ZZEF1: variants seen among roughly 807,000 people sequenced by gnomAD.
ZZEF1 encodes zinc finger ZZ-type and EF-hand domain-containing protein 1.
In ZZEF1, 157 loss-of-function variants were observed where a neutral mutation model predicts 342.8. That is an observed-to-expected ratio of 0.46 (90% CI 0.40 to 0.52). The LOEUF is 0.52. ZZEF1 is among the 20% of genes least tolerant of loss of function. The pLI is 0.00. For missense variants in ZZEF1, 3,480 were observed against 3,725.6 expected, an observed-to-expected ratio of 0.93 and a Z score of 1.72; for synonymous variants, 1,505 against 1,429.1, an observed-to-expected ratio of 1.05 and a Z score of -1.20.
chr17:4,007,308 C>G (rs997521716), intron 54 of ZZEF1, among the ~76,000 whole-genome samples: 22 of 152,346 alleles, frequency 1.4e-4, no homozygotes, highest in African/African-American at 5.1e-4. Context: ...AAACGAACAG[C>G]CAGTGCTGGG....
chr17:4,020,253 G>A (rs933225217), intron 45 of ZZEF1, among the ~76,000 whole-genome samples: 1 of 152,186 alleles, frequency 6.6e-6, no homozygotes, highest in South Asian at 2.1e-4. Flanking sequence ...GTTTTAACCT[G>A]CACTTAAACT....
chr17:4,013,501 G>C lies in ZZEF1; in HGVS notation c.8527C>G (p.Arg2843Gly), dbSNP rs1219291908. 1 of 1,613,742 alleles carries C rather than the reference G, an allele frequency of 6.2e-7. No homozygotes were observed. Among genetic ancestry groups the C allele is most frequent in the Non-Finnish European group, 8.5e-7 (1 of 1,179,854 alleles). The change falls in exon 52 of 55, where the codon CGA (arginine) becomes GGA (glycine). Residue 2843 changes from arginine to glycine, a missense_variant. Physicochemically the swap from Arg to Gly is moderately radical, Grantham distance 125. Around this residue, in one of 5 missense-constraint regions of ZZEF1, gnomAD observed 1,269 missense variants for 1,342.4 expected, o/e 0.95. Transcript: ENST00000381638. ...GVACRQTGHQRLKAIHLLLRI... is the reference protein window; with the variant it reads ...GVACRQTGHQGLKAIHLLLRI... The stretch of plus-strand genomic sequence containing the variant: ...AGAAGTAAGTGGATGGCTTTTAATC[G>C]TTGATGGCCAGTCTGGCGACAGGCC...
intron 1 of ZZEF1, among the ~76,000 whole-genome samples, chr17:4,135,055 G>A (rs2145606436): frequency 1.3e-5 from 2 of 152,272 alleles, no homozygotes; most frequent in African/African-American, 4.8e-5. Flanking sequence ...GCAGACCCAG[G>A]ATGAAGAGCT....
chr17:4,032,050 A>G (rs1478933469), intron 42 of ZZEF1, 76 bp downstream of exon 42: 1 of 1,480,966 alleles, frequency 6.8e-7, no homozygotes, highest in African/African-American at 1.4e-5. Context: ...AGCCAAGGTA[A>G]TTTCATTGAT....
intron 26 of ZZEF1, among the ~76,000 whole-genome samples, 159 bp downstream of exon 26, chr17:4,070,525 T>A (rs2057487354): frequency 6.6e-6 from 1 of 152,224 alleles, no homozygotes; most frequent in African/African-American, 2.4e-5. Context: ...AAAGTGGCCA[T>A]GAATCTTTTA....
At chr17:4,066,344 C>T (rs2057394305) in intron 28 of ZZEF1, 103 bp downstream of exon 28, 1 of 990,202 alleles carries the variant, frequency 1.0e-6, no homozygotes, top group Admixed American at 1.8e-5. Flanking sequence ...CCTAGGTCAA[C>T]ACAGCCTCAA....
At chr17:4,103,220 T>C (rs1325120953) in intron 8 of ZZEF1, among the ~76,000 whole-genome samples, 1 of 152,056 alleles carries the variant, frequency 6.6e-6, no homozygotes, top group African/African-American at 2.4e-5. Context: ...ATTGTCTAAC[T>C]TAAAAATTTA....
At position 4,049,735 on chromosome 17, in the gene ZZEF1, C is replaced by G; in HGVS notation, c.5988G>C (p.Gln1996His). The change falls in exon 37 of 55, where the codon CAG becomes CAC. Residue 1996 changes from glutamine (Q) to histidine (H), a missense_variant. Coordinates refer to ENST00000381638, the MANE Select transcript of ZZEF1 (RefSeq NM_015113.4). ...TGCCTGCTTCTGACAGCTCAGCACC[C>G]TGGACAGCTTTCTTCTCTAGCTGCT... ...SEEQLEKKAV[Q>H]GAELSEAGNG... 6.2e-7 allele frequency: 1 copy of G among 1,614,104 alleles called. No individual in the cohort carries two copies. The highest frequency in any genetic ancestry group is 1.1e-5 in the South Asian group (1 of 91,084).
Position 4,142,695 on chromosome 17 carries a change from G to A in ZZEF1, c.201C>T (p.Pro67=). Residue 67 remains proline (P), a synonymous_variant, in exon 1 of 55, where the codon CCC becomes CCT. Transcript: ENST00000381638. ...REAAAALLPT[P]PCESLVSRHR... ...GCCTCGACACCAGCGACTCGCAGGG[G>A]GGTGTGGGCAGCAACGCTGCAGCAG... is the stretch of plus-strand genomic sequence containing the variant. 3 of 1,604,754 alleles carry A rather than the reference G, an allele frequency of 1.9e-6. No homozygotes were observed. The highest frequency in any genetic ancestry group is 2.5e-6 in the Non-Finnish European group (3 of 1,178,686).
At position 4,031,271 on chromosome 17, in the gene ZZEF1, G is replaced by A. The variant is rs147466148; in HGVS notation, c.6892+855C>T. ...GCGGAGGTTGCAGTGAGCTGAGATC[G>A]TGTCACCGCACTCCAGCCTGGGCAA... On this transcript the variant is annotated intron_variant, in intron 42 of 54. Coordinates refer to ENST00000381638, the MANE Select transcript of ZZEF1 (RefSeq NM_015113.4). 2.1e-3 allele frequency among the ~76,000 whole-genome samples: 315 copies of A among 151,796 alleles called. 2 individuals are homozygous for A. Among genetic ancestry groups the A allele is most frequent in the East Asian group, 0.014 (73 of 5,176 alleles).
At chr17:4,013,386 G>T in intron 52 of ZZEF1, 63 bp downstream of exon 52, 1 of 1,435,544 alleles carries the variant, frequency 7.0e-7, no homozygotes, top group Non-Finnish European at 9.2e-7. Flanking sequence ...AGCAAGAAAG[G>T]GCCAGCCACA....
rs745845945 is a variant in ZZEF1, at chr17:4,105,772, G to C, written c.1315C>G (p.Pro439Ala). 2 of 1,613,206 alleles carry C rather than the reference G, an allele frequency of 1.2e-6. No homozygotes were observed. The highest frequency in any genetic ancestry group is 1.7e-6 in the Non-Finnish European group (2 of 1,179,708). ...AAAGTTGAGAAATCTGTAGATCCTG[G>C]TGAGAGAGAGAGTGGAGGCATGTGC... is the stretch of plus-strand genomic sequence containing the variant. ...LRHMPPLSLS[P>A]GSTDFSTFLS... The change falls in exon 7 of 55, where the codon CCA (proline) becomes GCA (alanine). Residue 439 changes from proline to alanine, a missense_variant. By Grantham distance (27) the Pro-to-Ala change is conservative. Transcript: ENST00000381638.
At position 4,074,201 on chromosome 17, in the gene ZZEF1, G is replaced by A. The variant is rs535251523; in HGVS notation, c.3634C>T (p.Arg1212Trp). 67 of 1,614,052 alleles carry A rather than the reference G, an allele frequency of 4.2e-5. No individual in the cohort carries two copies. Among genetic ancestry groups the A allele is most frequent in the Non-Finnish European group, 4.9e-5 (58 of 1,179,978 alleles). ...TGGGAAGCCAGGCGTCCCATCAGCC[G>A]GGAGACGAGGAGCTGTAAATCCAGC... ...WGLDLQLLVS[R>W]LMGRLASQCM... The change falls in exon 24 of 55, where the codon CGG becomes TGG. Residue 1212 changes from arginine (R) to tryptophan (W), a missense_variant. Around this residue, in one of 5 missense-constraint regions of ZZEF1, gnomAD observed 1,528 missense variants for 1,624.1 expected, o/e 0.94. Coordinates refer to ENST00000381638, the MANE Select transcript of ZZEF1 (RefSeq NM_015113.4).
intron 5 of ZZEF1, among the ~76,000 whole-genome samples, chr17:4,111,542 G>A (rs1306232123): frequency 2.0e-5 from 3 of 151,028 alleles, no homozygotes; most frequent in African/African-American, 4.9e-5. Flanking sequence ...GCCTGTAATC[G>A]CAGCTACTCG....
intron 17 of ZZEF1, among the ~76,000 whole-genome samples, chr17:4,082,060 G>A (rs1749270808): frequency 6.6e-6 from 1 of 152,166 alleles, no homozygotes; most frequent in Non-Finnish European, 1.5e-5. Context: ...AAATCTCGAA[G>A]ACCTCCCCTC....
chr17:4,009,859 C>T, intron 52 of ZZEF1, 102 bp from the exon 53 acceptor site: 1 of 1,349,798 alleles, frequency 7.4e-7, no homozygotes, highest in East Asian at 2.5e-5. Flanking sequence ...CCCTCTCCCA[C>T]AGCTGGTACA....
At chr17:4,102,804 C>T (rs867006108) in intron 8 of ZZEF1, among the ~76,000 whole-genome samples, 3 of 151,878 alleles carry the variant, frequency 2.0e-5, no homozygotes, top group Admixed American at 1.3e-4. Context: ...TTTTAGGTCT[C>T]GTTTCTTTAA....
chr17:4,022,529 G>T, intron 44 of ZZEF1, 180 bp downstream of exon 44: 1 of 747,522 alleles, frequency 1.3e-6, no homozygotes, highest in African/African-American at 1.7e-5. Context: ...TCCCTGACAG[G>T]GGTAGACAGG....
intron 29 of ZZEF1, among the ~76,000 whole-genome samples, 194 bp downstream of exon 29, chr17:4,064,167 C>T (rs1327383534): frequency 2.6e-5 from 4 of 151,238 alleles, no homozygotes; most frequent in Non-Finnish European, 5.9e-5. Flanking sequence ...AGGCATGAAT[C>T]ACCGTGCCCA....
Sources: allele counts gnomAD v4.1 joint callset (sites outside exome capture counted in the v4.1 genomes callset), GRCh38; gene constraint gnomAD v4.1.1; regional missense constraint gnomAD v4.1.1; transcripts MANE v1.5; gene names NCBI Gene and HGNC (gene_info 2026-07-23, HGNC 2026-07-21).